CPS1: variants seen among roughly 807,000 people sequenced by gnomAD.
CPS1 encodes the protein carbamoyl-phosphate synthase [ammonia], mitochondrial.
A neutral mutation model predicts 174.6 loss-of-function variants in CPS1; 109 were observed. The ratio of observed to expected loss-of-function variants is 0.62; its 90% CI spans 0.53 to 0.73. The LOEUF is 0.73. Ranked by LOEUF, CPS1 falls within the 30% of genes least tolerant of loss-of-function variation. CPS1 has a pLI of 0.00. For missense variants in CPS1, 1,689 were observed against 1,821.9 expected, an observed-to-expected ratio of 0.93 and a Z score of 1.33; for synonymous variants, 637 against 632.0, an observed-to-expected ratio of 1.01 and a Z score of -0.12.
intron 33 of CPS1, among the ~76,000 whole-genome samples, chr2:210,665,895 G>C (rs7562168): frequency 0.97 from 121,350 of 125,038 alleles, 59,055 homozygotes; most frequent in Middle Eastern, 1. Context: ...CCTGAGGAAT[G>C]GCCACACTGA....
At chr2:210,643,121 A>G (rs1320360823) in intron 25 of CPS1, among the ~76,000 whole-genome samples, 6 of 152,210 alleles carry the variant, frequency 3.9e-5, no homozygotes, top group Non-Finnish European at 5.9e-5. Context: ...ACAAAAGACC[A>G]GTTAATTCCT....
intron 1 of CPS1, among the ~76,000 whole-genome samples, chr2:210,549,275 G>T (rs535116920): frequency 6.6e-6 from 1 of 152,138 alleles, no homozygotes; most frequent in South Asian, 2.1e-4. Context: ...AAGCCCATCA[G>T]AGTTGTTTGT....
At chr2:210,495,267 C>G (rs1694963498) in intron 1 of CPS1, among the ~76,000 whole-genome samples, 1 of 152,128 alleles carries the variant, frequency 6.6e-6, no homozygotes, top group Non-Finnish European at 1.5e-5. Context: ...CATCTGTCCA[C>G]TAAAGTTACC....
intron 24 of CPS1, among the ~76,000 whole-genome samples, chr2:210,641,945 GC>G (rs925928954): frequency 3.3e-5 from 5 of 152,254 alleles, no homozygotes; most frequent in African/African-American, 1.2e-4. Flanking sequence ...TGCATGGGTG[GC>G]CTTGCCAAGT....
intron 1 of CPS1, among the ~76,000 whole-genome samples, chr2:210,480,382 A>C (rs146631816): frequency 9.5e-4 from 145 of 152,324 alleles, no homozygotes; most frequent in African/African-American, 3.2e-3. Context: ...CAATGAAAGA[A>C]GGGGAAGACT....
chr2:210,598,762 G>A (rs1249328020), intron 13 of CPS1, among the ~76,000 whole-genome samples: 2 of 151,746 alleles, frequency 1.3e-5, no homozygotes, highest in Non-Finnish European at 1.5e-5. Context: ...CACAATAATA[G>A]TGGGAGGTAT....
chr2:210,544,214 C>T (rs1387011802), intron 1 of CPS1, among the ~76,000 whole-genome samples: 1 of 152,128 alleles, frequency 6.6e-6, no homozygotes, highest in African/African-American at 2.4e-5. Flanking sequence ...AAAGAAAACA[C>T]ATTGGGAATC....
intron 25 of CPS1, 142 bp from the exon 26 acceptor site, chr2:210,647,721 T>C: frequency 9.1e-7 from 1 of 1,099,716 alleles, no homozygotes; most frequent in Non-Finnish European, 1.4e-6. Context: ...TGGCATCATT[T>C]AACAGTATTC....
intron 1 of CPS1, among the ~76,000 whole-genome samples, chr2:210,517,370 T>A (rs180944207): frequency 6.6e-6 from 1 of 152,124 alleles, no homozygotes; most frequent in Admixed American, 6.6e-5. Context: ...TCATGACTTA[T>A]TGTAAAGTAA....
rs762535165 is a variant in CPS1 at position 210,639,136 on chromosome 2, G to C, written c.2830-14G>C. ...ACATTCTTATTTGTTTATTTTATTT[G>C]TTTTCTCTTACAGATTGATACACTG... is the stretch of plus-strand genomic sequence containing the variant. On this transcript the variant is annotated splice_polypyrimidine_tract_variant and intron_variant, in intron 22 of 37. Coordinates refer to ENST00000233072, the MANE Select transcript of CPS1 (RefSeq NM_001875.5). 15 of 1,602,034 alleles carry C rather than the reference G, an allele frequency of 9.4e-6. No individual in the cohort carries two copies. The African/African-American group carries it at 2.0e-4, about 21-fold the overall frequency.
At chr2:210,648,998 G>C (rs1402928141) in intron 27 of CPS1, among the ~76,000 whole-genome samples, 1 of 152,204 alleles carries the variant, frequency 6.6e-6, no homozygotes, top group Non-Finnish European at 1.5e-5. Flanking sequence ...GTGAGGAACA[G>C]GAACAGTGAG....
At chr2:210,519,847 C>A in intron 1 of CPS1, 1 of 939,882 alleles carries the variant, frequency 1.1e-6, no homozygotes, top group Non-Finnish European at 1.3e-6. Context: ...GAAAAAATGG[C>A]TTTGTTCTGG....
chr2:210,637,750 C>G lies in CPS1; in HGVS notation c.2736C>G (p.Phe912Leu). The change falls in exon 22 of 38, where the codon TTC (phenylalanine) becomes TTG (leucine). Residue 912 changes from phenylalanine to leucine, a missense_variant. Transcript: ENST00000233072. ...ETLKRAKEIG[F>L]SDKQISKCLG... ...TGAAAAGGGCAAAGGAGATTGGGTT[C>G]TCAGATAAGCAGATTTCAAAATGCC... 1 of 1,613,972 alleles carries G rather than the reference C, an allele frequency of 6.2e-7. No individual in the cohort carries two copies. Among genetic ancestry groups the G allele is most frequent in the East Asian group, 2.2e-5 (1 of 44,856 alleles).
At chr2:210,649,436 C>G (rs968130924) in intron 27 of CPS1, among the ~76,000 whole-genome samples, 5 of 152,148 alleles carry the variant, frequency 3.3e-5, no homozygotes, top group African/African-American at 1.2e-4. Flanking sequence ...CATTATTGCT[C>G]TAGCCTTCCT....
intron 6 of CPS1, among the ~76,000 whole-genome samples, chr2:210,587,129 A>G (rs926845453): frequency 1.3e-5 from 2 of 152,044 alleles, no homozygotes; most frequent in Admixed American, 1.3e-4. Flanking sequence ...TATAGTTTAT[A>G]TATTTTTTCC....
rs1468758777 is a variant in CPS1 at position 210,573,286 on chromosome 2, C to T, written c.127-12C>T. ...ATGTATTCTGCTAAGATTCATGCAACTGTTTCTTCAGGCACAGACAGCACA... is the reference window on the plus strand; with the variant it reads ...ATGTATTCTGCTAAGATTCATGCAATTGTTTCTTCAGGCACAGACAGCACA... On this transcript the variant is annotated splice_polypyrimidine_tract_variant and intron_variant, in intron 1 of 37. Transcript: ENST00000233072. 1 of 1,604,950 alleles carries T rather than the reference C, an allele frequency of 6.2e-7. No homozygotes were observed. The highest frequency in any genetic ancestry group is 1.7e-5 in the Admixed American group (1 of 59,944).
chr2:210,577,976 T>A (rs997676543), intron 4 of CPS1, among the ~76,000 whole-genome samples: 4 of 152,180 alleles, frequency 2.6e-5, no homozygotes, highest in Non-Finnish European at 5.9e-5. Context: ...CTTATGAGTA[T>A]AAGCAGATTA....
intron 1 of CPS1, among the ~76,000 whole-genome samples, chr2:210,496,616 G>A (rs1290589930): frequency 6.6e-6 from 1 of 152,158 alleles, no homozygotes; most frequent in African/African-American, 2.4e-5. Flanking sequence ...AGATGAGAAG[G>A]CATCAGAGGA....
chr2:210,655,538 C>T (rs1208347363), intron 29 of CPS1, among the ~76,000 whole-genome samples: 1 of 152,124 alleles, frequency 6.6e-6, no homozygotes, highest in Non-Finnish European at 1.5e-5. Context: ...GTGAATGCCT[C>T]CCCTTTTCCA....
Sources: allele counts gnomAD v4.1 joint callset (sites outside exome capture counted in the v4.1 genomes callset), GRCh38; gene constraint gnomAD v4.1.1; transcripts MANE v1.5; gene names NCBI Gene and HGNC (gene_info 2026-07-23, HGNC 2026-07-21).